MEX3C: variants seen among roughly 807,000 people sequenced by gnomAD.
MEX3C encodes the protein RNA-binding E3 ubiquitin-protein ligase MEX3C.
MEX3C carries 15 observed loss-of-function variants against 35.5 expected under a neutral mutation model. The observed-to-expected ratio is 0.42, with a 90% CI of 0.28 to 0.65. The LOEUF (loss-of-function observed/expected upper bound fraction) is 0.65, where lower values mean the gene tolerates loss of function less well. Among genes scored for constraint, MEX3C ranks in the 30% least tolerant of loss-of-function variants. The pLI is 0.20. For missense variants in MEX3C, 711 were observed against 842.8 expected, an observed-to-expected ratio of 0.84 and a Z score of 1.94; for synonymous variants, 390 against 352.8, an observed-to-expected ratio of 1.11 and a Z score of -1.18.
Position 51,176,520 on chromosome 18 carries a change from C to T in MEX3C, c.1811G>A (p.Arg604Gln), listed in dbSNP as rs745925571. 1.5e-5 allele frequency: 25 copies of T among 1,613,792 alleles called. No individual in the cohort carries two copies. The highest frequency in any genetic ancestry group is 1.9e-5 in the Non-Finnish European group (23 of 1,179,898). ...STSSSPPESR[R>Q]KHDCVICFEN... ...AAAGCAAATCACACAGTCGTGCTTT[C>T]GTCTTGATTCTGGAGGTGAGCTAGA... is the stretch of plus-strand genomic sequence containing the variant. The change falls in exon 2 of 2, where the codon CGA becomes CAA. Residue 604 changes from arginine to glutamine, a missense_variant. Physicochemically the swap from Arg to Gln is conservative, Grantham distance 43. Coordinates refer to ENST00000406189, the MANE Select transcript of MEX3C (RefSeq NM_016626.5).
intron 1 of MEX3C, chr18:51,195,034 T>C (rs1461680218): frequency 6.6e-6 from 1 of 152,052 alleles, no homozygotes; most frequent in Non-Finnish European, 1.5e-5. Context: ...GACTGTTATC[T>C]TCTTAAGGGC....
At chr18:51,194,070 C>T (rs1912719716) in intron 1 of MEX3C, 1 of 152,120 alleles carries the variant, frequency 6.6e-6, no homozygotes, top group Admixed American at 6.5e-5. Flanking sequence ...AATGATTTGC[C>T]CTGTTTTACT....
rs552651695 is a variant in MEX3C, at chr18:51,175,522, G to C, written c.*829C>G. ...TTGAACATAAAATGTTTCACATTTT[G>C]ATCTATAGTCTAAAAATTAACAGCT... is the stretch of plus-strand genomic sequence containing the variant. On this transcript the variant is annotated 3_prime_UTR_variant, in exon 2 of 2. Coordinates refer to ENST00000406189, the MANE Select transcript of MEX3C (RefSeq NM_016626.5). 4.6e-5 allele frequency: 7 copies of C among 152,616 alleles called. No homozygotes were observed. In the South Asian group the frequency reaches 1.5e-3, roughly 32 times the overall value. The allele number at this position is 152,616 out of a possible 1,614,324, so 9.5% of individuals were successfully genotyped here. A position where few individuals can be genotyped will look rare whatever the true frequency, so the allele number is the denominator to read the frequency against.
intron 1 of MEX3C, among the ~76,000 whole-genome samples, chr18:51,192,530 T>A (rs1360990695): frequency 6.6e-6 from 1 of 152,202 alleles, no homozygotes; most frequent in Non-Finnish European, 1.5e-5. Flanking sequence ...CTGTGCCTTG[T>A]GGGTAGTACA....
Position 51,174,970 on chromosome 18 carries a change from A to G in MEX3C, c.*1381T>C, listed in dbSNP as rs1702966692. 6.6e-6 allele frequency: 1 copy of G among 152,638 alleles called. No homozygotes were observed. The highest frequency in any genetic ancestry group is 1.5e-5 in the Non-Finnish European group (1 of 68,036). 9.5% of individuals were successfully genotyped at this position (152,638 alleles called of 1,614,324 possible). ...GATTAGGTTTCAATACTGACCATTT[A>G]CTATCCTACAAGCAATTAGCATTAC... On this transcript the variant is annotated 3_prime_UTR_variant, in exon 2 of 2. Coordinates refer to ENST00000406189, the MANE Select transcript of MEX3C (RefSeq NM_016626.5).
At chr18:51,185,585 T>C (rs1912519761) in intron 1 of MEX3C, among the ~76,000 whole-genome samples, 1 of 152,214 alleles carries the variant, frequency 6.6e-6, no homozygotes, top group East Asian at 1.9e-4. Flanking sequence ...GGGATTACTC[T>C]GCCTATGACA....
intron 1 of MEX3C, chr18:51,194,572 T>G (rs982072957): frequency 6.6e-6 from 1 of 152,202 alleles, no homozygotes. Flanking sequence ...TAGCAGTGCT[T>G]TAAGGGGTGT....
At chr18:51,185,891 C>CA (rs199616598) in intron 1 of MEX3C, among the ~76,000 whole-genome samples, 1 of 151,714 alleles carries the variant, frequency 6.6e-6, no homozygotes, top group Non-Finnish European at 1.5e-5. Context: ...GAGACCCCCC[C>CA]CTCTCTATAA....
chr18:51,180,643 A>G (rs534464716), intron 1 of MEX3C, among the ~76,000 whole-genome samples: 3 of 152,166 alleles, frequency 2.0e-5, no homozygotes, highest in East Asian at 1.9e-4. Flanking sequence ...ACACCCGGGT[A>G]ATTTTTAAAA....
At chr18:51,195,364 C>A (rs906980364) in intron 1 of MEX3C, 1 of 152,324 alleles carries the variant, frequency 6.6e-6, no homozygotes, top group East Asian at 1.9e-4. Context: ...CTGAACTAAG[C>A]TATCTCCTTT....
chr18:51,184,751 G>A (rs1490247365), intron 1 of MEX3C, among the ~76,000 whole-genome samples: 1 of 151,984 alleles, frequency 6.6e-6, no homozygotes, highest in Non-Finnish European at 1.5e-5. Flanking sequence ...CTAGCTACTT[G>A]GGAGGCTGAG....
Position 51,197,237 on chromosome 18 carries a change from T to TGGCGGC in MEX3C, c.78_83dup (p.Pro30_Pro31dup), listed in dbSNP as rs553955500. 1.3e-4 allele frequency: 123 copies of TGGCGGC among 981,108 alleles called. No homozygotes were observed. Among genetic ancestry groups the TGGCGGC allele is most frequent in the African/African-American group, 2.1e-4 (12 of 56,016 alleles). 60.8% of individuals were successfully genotyped at this position (981,108 alleles called of 1,614,324 possible). A position where few individuals can be genotyped will look rare whatever the true frequency, so the allele number is the denominator to read the frequency against. Reference sequence around the variant, plus strand: ...CCGAGGGCGGCGGCAGAGGCGGCGGTGGCGGCGGCGGCGGCGGGGGCGGCT... The same window carrying TGGCGGC: ...CCGAGGGCGGCGGCAGAGGCGGCGGTGGCGGCGGCGGCGGCGGCGGCGGGGGCGGCT... On this transcript the variant is annotated inframe_insertion, in exon 1 of 2. Transcript: ENST00000406189.
Position 51,197,248 on chromosome 18 carries a change from G to A in MEX3C, c.73C>T (p.Pro25Ser). ...PAPLPQPPPPPPPPPPPLPPP... is the reference protein window; with the variant it reads ...PAPLPQPPPPSPPPPPPLPPP... ...GGCAGAGGCGGCGGTGGCGGCGGCGGCGGCGGGGGCGGCTGCGGCAGGGGG... is the reference window on the plus strand; with the variant it reads ...GGCAGAGGCGGCGGTGGCGGCGGCGACGGCGGGGGCGGCTGCGGCAGGGGG... Residue 25 changes from proline (P) to serine (S), a missense_variant, in exon 1 of 2, where the codon CCG (proline) becomes TCG (serine). Transcript: ENST00000406189. 1.0e-6 allele frequency: 1 copy of A among 965,720 alleles called. No individual in the cohort carries two copies. The highest frequency in any genetic ancestry group is 4.6e-5 in the South Asian group (1 of 21,748). The allele number at this position is 965,720 out of a possible 1,614,324, so 59.8% of individuals were successfully genotyped here. A position where few individuals can be genotyped will look rare whatever the true frequency, so the allele number is the denominator to read the frequency against.
chr18:51,193,392 TAAG>T (rs1238392978), intron 1 of MEX3C: 7 of 152,202 alleles, frequency 4.6e-5, no homozygotes, highest in South Asian at 2.1e-4. Flanking sequence ...TATAATGTAT[TAAG>T]AATGGGTATA....
chr18:51,194,584 T>C (rs756826898), intron 1 of MEX3C: 2 of 152,212 alleles, frequency 1.3e-5, no homozygotes, highest in African/African-American at 2.4e-5. Flanking sequence ...AAGGGGTGTC[T>C]ACTATAATGA....
intron 1 of MEX3C, among the ~76,000 whole-genome samples, chr18:51,185,912 A>T (rs1168795587): frequency 2.6e-5 from 4 of 152,092 alleles, no homozygotes; most frequent in African/African-American, 9.7e-5. Flanking sequence ...TAAACAAATA[A>T]TATTAAAATA....
chr18:51,180,935 G>A (rs7227087), intron 1 of MEX3C, among the ~76,000 whole-genome samples: 18,539 of 152,192 alleles, frequency 0.12, 1,499 homozygotes, highest in African/African-American at 0.23. Flanking sequence ...CATATTCTGA[G>A]TTCCAAACAA....
chr18:51,196,587 G>C lies in MEX3C; in HGVS notation c.734C>G (p.Ala245Gly), dbSNP rs1191333194. The change falls in exon 1 of 2, where the codon GCC becomes GGC. Residue 245 changes from alanine to glycine, a missense_variant. By Grantham distance (60) the Ala-to-Gly change is moderately conservative. Transcript: ENST00000406189. ...CTCACCCTGGCGGCCGACGATCTCG[G>C]CGACGTGCTCGGAGCTGGGCACCGG... ...CVPVPSSEHV[A>G]EIVGRQGCKI... 1 of 1,591,610 alleles carries C rather than the reference G, an allele frequency of 6.3e-7. No homozygotes were observed. Among genetic ancestry groups the C allele is most frequent in the African/African-American group, 1.3e-5 (1 of 74,370 alleles).
rs991546687 is a variant in MEX3C at position 51,174,773 on chromosome 18, A to G, written c.*1578T>C. 3.3e-5 allele frequency: 5 copies of G among 152,650 alleles called. No homozygotes were observed. Among genetic ancestry groups the G allele is most frequent in the Admixed American group, 1.3e-4 (2 of 15,286 alleles). The allele number at this position is 152,650 out of a possible 1,614,324, so 9.5% of individuals were successfully genotyped here. On this transcript the variant is annotated 3_prime_UTR_variant, in exon 2 of 2. Coordinates refer to ENST00000406189, the MANE Select transcript of MEX3C (RefSeq NM_016626.5). ...AACAAAAGAGTGTAGTAAAATTAGC[A>G]AATACTAAACTATATTGATAATTTA...
Sources: allele counts gnomAD v4.1 joint callset (sites outside exome capture counted in the v4.1 genomes callset), GRCh38; gene constraint gnomAD v4.1.1; transcripts MANE v1.5; gene names NCBI Gene and HGNC (gene_info 2026-07-23, HGNC 2026-07-21).